Variants in CENPF observed in about 807,000 individuals in gnomAD.
CENPF encodes centromere protein F.
In CENPF, 214 loss-of-function variants were observed where a neutral mutation model predicts 307.3. The observed-to-expected ratio is 0.70, with a 90% CI of 0.62 to 0.78. The LOEUF is 0.78. Among genes scored for constraint, CENPF ranks in the 30% least tolerant of loss-of-function variants. The probability of loss-of-function intolerance (pLI) is 0.00; values close to 1 mark genes in which losing one functional copy is unlikely to be tolerated. For synonymous variants in CENPF, 1,259 were observed against 1,270.6 expected, an observed-to-expected ratio of 0.99 and a Z score of 0.19; for missense variants, 3,401 against 3,483.9, an observed-to-expected ratio of 0.98 and a Z score of 0.60.
rs774018551 is a variant in CENPF, at chr1:214,642,268, G to C, written c.3930G>C (p.Leu1310=). The C allele has an allele frequency of 6.2e-7, 1 of 1,613,700 alleles. No individual in the cohort carries two copies. Among genetic ancestry groups the C allele is most frequent in the African/African-American group, 1.3e-5 (1 of 74,908 alleles). ...LNELEKICEI[L]QAEKYELVTE... ...AGCTAGAGAAAATATGTGAAATACT[G>C]CAGGCTGAAAAGTATGAACTCGTAA... The change falls in exon 12 of 20, where the codon CTG becomes CTC. Residue 1310 remains leucine (L), a synonymous_variant. Coordinates refer to ENST00000366955, the MANE Select transcript of CENPF (RefSeq NM_016343.4).
chr1:214,616,883 TTCTTTCTTTCTTTC>T (rs1657363885), intron 3 of CENPF, among the ~76,000 whole-genome samples: 3 of 117,930 alleles, frequency 2.5e-5, no homozygotes, highest in African/African-American at 1.0e-4. Context: ...CTTTCTTTCT[TTCTTTCTTTCTTTC>T]TTTCTTTCTT....
At chr1:214,657,525 G>A in intron 18 of CENPF, 116 bp downstream of exon 18, 2 of 738,156 alleles carry the variant, frequency 2.7e-6, no homozygotes, top group Non-Finnish European at 4.4e-6. Flanking sequence ...TAATCTCATT[G>A]ACGTTCATAA....
In CENPF at chr1:214,659,065, C is replaced by A; in HGVS notation, c.9141+37C>A. 6.2e-7 allele frequency: 1 copy of A among 1,608,234 alleles called. No homozygotes were observed. Among genetic ancestry groups the A allele is most frequent in the Non-Finnish European group, 8.5e-7 (1 of 1,176,306 alleles). ...TCAACATCCGTCTACTGTTTGAGAT[C>A]CAGAAAATTGCAGTAGTACCTGGGT... On this transcript the variant is annotated intron_variant, in intron 19 of 19. Transcript: ENST00000366955. This position sits in a 1 kb window ranked among gnomAD's most constrained non-coding sequence, Gnocchi z 4.4.
intron 17 of CENPF, among the ~76,000 whole-genome samples, chr1:214,656,573 T>G (rs369801): frequency 0.53 from 80,810 of 152,026 alleles, 22,184 homozygotes; most frequent in East Asian, 0.88. Context: ...GTTCATCCAC[T>G]TATGGTAGAC....
chr1:214,625,410 G>A lies in CENPF; in HGVS notation c.1068+3129G>A, dbSNP rs1359050620. ...TAATTTTTGTATTTTTAGTAGAGAC[G>A]GGGTTTCACCATGTTGGCCAGGCTG... On this transcript the variant is annotated intron_variant, in intron 7 of 19. Transcript: ENST00000366955. Among the ~76,000 whole-genome samples the A allele has an allele frequency of 2.6e-5, 4 of 151,906 alleles. No individual in the cohort carries two copies. In the East Asian group the frequency reaches 7.7e-4, roughly 29 times the overall value.
At chr1:214,653,589 A>G (rs927363137) in intron 16 of CENPF, 4 of 154,402 alleles carry the variant, frequency 2.6e-5, no homozygotes, top group East Asian at 3.8e-4. Flanking sequence ...GATATTTTTC[A>G]TAAGATAAAT....
At chr1:214,621,045 G>C in intron 6 of CENPF, 99 bp downstream of exon 6, 1 of 1,135,304 alleles carries the variant, frequency 8.8e-7, no homozygotes, top group Non-Finnish European at 1.3e-6. Flanking sequence ...TATGTGTTTT[G>C]TTAGGCACAT....
chr1:214,632,678 A>C, intron 10 of CENPF, 76 bp downstream of exon 10: 1 of 1,532,544 alleles, frequency 6.5e-7, no homozygotes, highest in Non-Finnish European at 8.9e-7. Context: ...TTCCTATTCC[A>C]TTTGTCAGTT....
At chr1:214,647,496 C>T (rs1204639874) in intron 13 of CENPF, 96 bp downstream of exon 13, 17 of 1,367,080 alleles carry the variant, frequency 1.2e-5, no homozygotes, top group Middle Eastern at 2.6e-4. Flanking sequence ...ACTTCTAGAC[C>T]GTGTCTGCTA....
At chr1:214,644,360 T>C (rs1422111945) in intron 12 of CENPF, among the ~76,000 whole-genome samples, 197 bp from the exon 13 acceptor site, 4 of 152,242 alleles carry the variant, frequency 2.6e-5, no homozygotes, top group Non-Finnish European at 5.9e-5. Flanking sequence ...GTCTTGCCCA[T>C]AGGGGCCACT....
In CENPF at chr1:214,639,952, A is replaced by G. The variant is rs773703341; in HGVS notation, c.1614A>G (p.Arg538=). Residue 538 remains arginine, a synonymous_variant, in exon 12 of 20, where the codon AGA becomes AGG. Transcript: ENST00000366955. ...AKNTSQETML[R]DLQEKINQQE... ...ATACCTCTCAGGAAACCATGTTAAGAGATCTTCAAGAAAAAATAAATCAGC... is the reference window on the plus strand; with the variant it reads ...ATACCTCTCAGGAAACCATGTTAAGGGATCTTCAAGAAAAAATAAATCAGC... The G allele has an allele frequency of 6.4e-7, 1 of 1,557,028 alleles. No homozygotes were observed. The highest frequency in any genetic ancestry group is 8.6e-7 in the Non-Finnish European group (1 of 1,161,370).
At chr1:214,652,330 T>G (rs890215887) in intron 15 of CENPF, among the ~76,000 whole-genome samples, 1 of 149,744 alleles carries the variant, frequency 6.7e-6, no homozygotes, top group Non-Finnish European at 1.5e-5. Context: ...CCACTGCGCC[T>G]GGCCCGGTTG....
At chr1:214,613,444 A>G in intron 1 of CENPF, 1 of 207,862 alleles carries the variant, frequency 4.8e-6, no homozygotes, top group African/African-American at 2.3e-5. Context: ...AAAACTGAGC[A>G]ATAGAAAGCA....
chr1:214,611,851 A>G (rs1657209542), intron 1 of CENPF, among the ~76,000 whole-genome samples: 1 of 152,190 alleles, frequency 6.6e-6, no homozygotes, highest in Admixed American at 6.5e-5. Context: ...AGTTGGCTGA[A>G]GTTGTTTATC....
chr1:214,610,089 C>T (rs907448287), intron 1 of CENPF, among the ~76,000 whole-genome samples: 8 of 149,854 alleles, frequency 5.3e-5, no homozygotes, highest in Non-Finnish European at 1.2e-4. Context: ...AACTCCTGAG[C>T]TCAAGTTATC....
intron 3 of CENPF, among the ~76,000 whole-genome samples, chr1:214,615,906 T>G (rs941871197): frequency 6.6e-6 from 1 of 152,054 alleles, no homozygotes; most frequent in African/African-American, 2.4e-5. Flanking sequence ...GCCATATCCT[T>G]ATAGCACATT....
chr1:214,658,877 C>G lies in CENPF; in HGVS notation c.8990C>G (p.Thr2997Ser), dbSNP rs1225332648. 6.2e-7 allele frequency: 1 copy of G among 1,613,970 alleles called. No homozygotes were observed. The highest frequency in any genetic ancestry group is 8.5e-7 in the Non-Finnish European group (1 of 1,179,982). ...KGFADIPTGK[T>S]SPYILRRTTM... ...TTTGCTGACATCCCGACAGGAAAGA[C>G]TAGCCCATATATCCTGCGAAGAACA... The change falls in exon 19 of 20, where the codon ACT becomes AGT. Residue 2997 changes from threonine (T) to serine (S), a missense_variant. Coordinates refer to ENST00000366955, the MANE Select transcript of CENPF (RefSeq NM_016343.4).
rs994716803 is a variant in CENPF at position 214,659,789 on chromosome 1, T to C, written c.9141+761T>C. 6.8e-4 allele frequency among the ~76,000 whole-genome samples: 103 copies of C among 152,198 alleles called. No homozygotes were observed. Among genetic ancestry groups the C allele is most frequent in the African/African-American group, 2.4e-3 (101 of 41,448 alleles). ...CCTCCCAGTGTGAACCCCTACTTCC[T>C]CTCAACTCCACAGTCTTGATCTTTC... On this transcript the variant is annotated intron_variant, in intron 19 of 19. Coordinates refer to ENST00000366955, the MANE Select transcript of CENPF (RefSeq NM_016343.4). The surrounding 1 kb of genome is among the most constrained non-coding windows in gnomAD (Gnocchi z 4.4).
At position 214,663,798 on chromosome 1, in the gene CENPF, C is replaced by A; in HGVS notation, c.*4C>A. The A allele has an allele frequency of 1.2e-6, 2 of 1,612,210 alleles. No individual in the cohort carries two copies. The highest frequency in any genetic ancestry group is 1.7e-6 in the Non-Finnish European group (2 of 1,178,688). On this transcript the variant is annotated 3_prime_UTR_variant, in exon 20 of 20. Transcript: ENST00000366955. ...TGAGAACTGTAAGGTCCAGTGAAGG[C>A]ACTTTGTGTGTCAGTACCCCTGGGA...
Sources: gnomAD v4.1 joint callset for allele counts (sites outside exome capture counted in the v4.1 genomes callset) on GRCh38, gnomAD v4.1.1 for gene constraint, Gnocchi (gnomAD v3.1) non-coding constraint, MANE v1.5 for transcripts, NCBI Gene and HGNC (gene_info 2026-07-23, HGNC 2026-07-21) for gene names.